The following IGSF9 variants were observed in gnomAD, a reference collection of about 807,000 sequenced individuals.
The protein encoded by IGSF9 is protein turtle homolog A.
Under a neutral mutation model 121.7 loss-of-function variants are expected in IGSF9, and 87 were observed. That is an observed-to-expected ratio of 0.71 (90% CI 0.60 to 0.85). The LOEUF is 0.85. IGSF9 is among the 40% of genes least tolerant of loss of function. The pLI, the probability that IGSF9 is intolerant of heterozygous loss-of-function variation, is 0.00. For missense variants in IGSF9, 1,462 were observed against 1,565.3 expected (o/e 0.93, Z 1.11); for synonymous variants, 640 against 648.4 (o/e 0.99, Z 0.20).
chr1:159,936,267 C>T, intron 6 of IGSF9, 132 bp downstream of exon 6: 2 of 754,444 alleles, frequency 2.7e-6, no homozygotes, highest in South Asian at 3.2e-5. Context: ...GCATTGGGAA[C>T]CCCCTTAGCT....
At chr1:159,942,824 T>C (rs925890217) in intron 3 of IGSF9, 139 bp downstream of exon 3, 2 of 666,668 alleles carry the variant, frequency 3.0e-6, no homozygotes, top group Non-Finnish European at 5.2e-6. Context: ...GCCATGCTTA[T>C]TAAGCAGAGT....
rs1404251901 is a variant in IGSF9, at chr1:159,928,344, G to A, written c.3044C>T (p.Ala1015Val). Residue 1015 changes from alanine (A) to valine (V), a missense_variant, in exon 19 of 21, where the codon GCT becomes GTT. By Grantham distance (64) the Ala-to-Val change is moderately conservative. Transcript: ENST00000368094. Reference sequence around the variant, plus strand: ...GCTGGTGAGGCTGCCTCGAGGGGCAGCAGGGAGAAGGCCTGGCAGCAGCCG... The same window carrying A: ...GCTGGTGAGGCTGCCTCGAGGGGCAACAGGGAGAAGGCCTGGCAGCAGCCG... ...RERLLPGLLP[A>V]APRGSLTSQS... 1.1e-5 allele frequency: 18 copies of A among 1,609,614 alleles called. No homozygotes were observed. Among genetic ancestry groups the A allele is most frequent in the Non-Finnish European group, 1.5e-5 (18 of 1,178,132 alleles).
At chr1:159,927,666 G>A in intron 20 of IGSF9, 94 bp downstream of exon 20, 1 of 1,549,554 alleles carries the variant, frequency 6.5e-7, no homozygotes. Flanking sequence ...AGCCTGGGAG[G>A]CAGGGCCTGA....
chr1:159,927,569 C>A, intron 20 of IGSF9, 43 bp from the exon 21 acceptor site: 1 of 1,591,118 alleles, frequency 6.3e-7, no homozygotes, highest in Non-Finnish European at 8.6e-7. Flanking sequence ...CCCTGAGGTT[C>A]ACTGAGTGAA....
At position 159,928,351 on chromosome 1, in the gene IGSF9, G is replaced by T; in HGVS notation, c.3037C>A (p.Leu1013Ile). 1 of 1,609,810 alleles carries T rather than the reference G, an allele frequency of 6.2e-7. No homozygotes were observed. The highest frequency in any genetic ancestry group is 8.5e-7 in the Non-Finnish European group (1 of 1,178,224). The change falls in exon 19 of 21, where the codon CTC (leucine) becomes ATC (isoleucine). Residue 1013 changes from leucine to isoleucine, a missense_variant. Coordinates refer to ENST00000368094, the MANE Select transcript of IGSF9 (RefSeq NM_001135050.2). The part of the protein sequence containing the change: ...TLRERLLPGL[L>I]PAAPRGSLTS... ...AGGCTGCCTCGAGGGGCAGCAGGGA[G>T]AAGGCCTGGCAGCAGCCGCTCCCTC... is the stretch of plus-strand genomic sequence containing the variant.
rs376768596 is a variant in IGSF9 at position 159,931,098 on chromosome 1, C to G, written c.1637+40G>C. On this transcript the variant is annotated intron_variant, in intron 13 of 20. Coordinates refer to ENST00000368094, the MANE Select transcript of IGSF9 (RefSeq NM_001135050.2). The surrounding 1 kb of genome is among the most constrained non-coding windows in gnomAD (Gnocchi z 4.8). ...GGTTCAAGGAGGAGAGGAAAGGAGG[C>G]AAGATTGGCACAGAGAAATGGCAGG... The G allele has an allele frequency of 6.2e-7, 1 of 1,613,482 alleles. No homozygotes were observed. Among genetic ancestry groups the G allele is most frequent in the African/African-American group, 1.3e-5 (1 of 74,912 alleles).
At chr1:159,934,907 T>C in intron 6 of IGSF9, 85 bp from the exon 7 acceptor site, 1 of 1,516,136 alleles carries the variant, frequency 6.6e-7, no homozygotes, top group Non-Finnish European at 9.0e-7. Flanking sequence ...TCTTCCCAGC[T>C]CTGCTCTCTG....
In IGSF9 at chr1:159,932,374, G is replaced by A. The variant is rs191579196; in HGVS notation, c.1245+138C>T. The A allele has an allele frequency of 0.014, 12,959 of 926,812 alleles. 386 individuals are homozygous for A. The highest frequency in any genetic ancestry group is 0.091 in the South Asian group (5,633 of 61,600). 57.4% of individuals were successfully genotyped at this position (926,812 alleles called of 1,614,324 possible). ...GGGATGGCATCAGGCAGCTGCTGCC[G>A]TGGCCACCATGGGAAACAAACTTGG... On this transcript the variant is annotated intron_variant, in intron 10 of 20. Transcript: ENST00000368094. This position sits in a 1 kb window ranked among gnomAD's most constrained non-coding sequence, Gnocchi z 4.1.
At chr1:159,937,188 G>A (rs1031921660) in intron 4 of IGSF9, among the ~76,000 whole-genome samples, 2 of 152,220 alleles carry the variant, frequency 1.3e-5, no homozygotes, top group South Asian at 4.1e-4. Flanking sequence ...TTCTGGGAGT[G>A]AGGAGGCCTG....
At chr1:159,933,434 A>G (rs1042646978) in intron 9 of IGSF9, 1 of 152,304 alleles carries the variant, frequency 6.6e-6, no homozygotes, top group Non-Finnish European at 1.5e-5. Flanking sequence ...GGCCTCAAAA[A>G]TTTATAGTCT....
Position 159,929,828 on chromosome 1 carries a change from C to G in IGSF9, c.2150-14G>C, listed in dbSNP as rs1397194263. ...AGACCTCCAGACCTAGGCAGGGGTC[C>G]ACGAGGGAGGGTCAGTGGACTCGGA... On this transcript the variant is annotated splice_polypyrimidine_tract_variant and intron_variant, in intron 16 of 20. Transcript: ENST00000368094. 6.3e-7 allele frequency: 1 copy of G among 1,599,658 alleles called. No individual in the cohort carries two copies.
chr1:159,928,694 G>A lies in IGSF9; in HGVS notation c.2694C>T (p.Leu898=). The change falls in exon 19 of 21, where the codon CTC becomes CTT. Residue 898 remains leucine, a synonymous_variant. Coordinates refer to ENST00000368094, the MANE Select transcript of IGSF9 (RefSeq NM_001135050.2). ...SSSPSGAPQP[L]CIEDISPVAP... ...CCACAGGGCTGATGTCTTCAATGCA[G>A]AGGGGCTGGGGTGCCCCACTGGGGC... 1 of 1,478,356 alleles carries A rather than the reference G, an allele frequency of 6.8e-7. No individual in the cohort carries two copies. The allele number at this position is 1,478,356 out of a possible 1,614,324, so 91.6% of individuals were successfully genotyped here. A position where few individuals can be genotyped will look rare whatever the true frequency, so the allele number is the denominator to read the frequency against.
intron 18 of IGSF9, 143 bp downstream of exon 18, chr1:159,929,208 T>C: frequency 3.8e-6 from 5 of 1,300,054 alleles, no homozygotes; most frequent in Non-Finnish European, 5.6e-6. Flanking sequence ...CTGGGGCCAC[T>C]GCACACCCCT....
chr1:159,928,131 G>A, intron 19 of IGSF9, 27 bp downstream of exon 19: 1 of 1,596,746 alleles, frequency 6.3e-7, no homozygotes, highest in Non-Finnish European at 8.5e-7. Flanking sequence ...TGAGGCGGAG[G>A]CAGGGATGGG....
intron 3 of IGSF9, among the ~76,000 whole-genome samples, chr1:159,942,379 C>T (rs908385021): frequency 1.3e-5 from 2 of 152,216 alleles, no homozygotes; most frequent in Non-Finnish European, 2.9e-5. Context: ...TCCCCAGCCA[C>T]CCTCTCTGTA....
intron 20 of IGSF9, 70 bp downstream of exon 20, chr1:159,927,690 G>A: frequency 6.4e-7 from 1 of 1,572,402 alleles, no homozygotes; most frequent in Non-Finnish European, 8.6e-7. Flanking sequence ...GGAATAGATG[G>A]GTCCTAAGGT....
At position 159,931,319 on chromosome 1, in the gene IGSF9, C is replaced by T. The variant is rs974395421; in HGVS notation, c.1514-58G>A. On this transcript the variant is annotated intron_variant, in intron 12 of 20. Transcript: ENST00000368094. The surrounding 1 kb of genome is among the most constrained non-coding windows in gnomAD (Gnocchi z 4.8). ...GGGCCTGAGGGAGTGTACAGAGTAG[C>T]AGGGGCCCCAGGGCCACTGACCTTC... The T allele has an allele frequency of 1.2e-6, 2 of 1,608,038 alleles. No homozygotes were observed. Among genetic ancestry groups the T allele is most frequent in the African/African-American group, 2.7e-5 (2 of 74,778 alleles).
chr1:159,943,495 G>A lies in IGSF9; in HGVS notation c.-41C>T, dbSNP rs1651478867. ...CTCACCCAGCCCCTCCTATCCACAG[G>A]AGCCCAGATGGAGGGGCCAAGGGAT... On this transcript the variant is annotated 5_prime_UTR_variant, in exon 2 of 21. Transcript: ENST00000368094. The A allele has an allele frequency of 1.3e-6, 2 of 1,503,210 alleles. No individual in the cohort carries two copies. Among genetic ancestry groups the A allele is most frequent in the Non-Finnish European group, 8.9e-7 (1 of 1,125,048 alleles). The allele number at this position is 1,503,210 out of a possible 1,614,324, so 93.1% of individuals were successfully genotyped here. A position where few individuals can be genotyped will look rare whatever the true frequency, so the allele number is the denominator to read the frequency against.
rs532766563 is a variant in IGSF9, at chr1:159,932,548, G to C, written c.1209C>G (p.Thr403=). The stretch of plus-strand genomic sequence containing the variant: ...CGCGGGTCACAGGAGAGGGCCCGGC[G>C]GTACCAAGACTGTTGTAGGGGGTGC... The part of the protein sequence containing the change: ...YSCTPYNSLG[T]AGPSPVTRVL... Residue 403 remains threonine, a synonymous_variant, in exon 10 of 21, where the codon ACC becomes ACG. Transcript: ENST00000368094. The surrounding 1 kb of genome is among the most constrained non-coding windows in gnomAD (Gnocchi z 4.1). The C allele has an allele frequency of 6.2e-7, 1 of 1,614,030 alleles. No homozygotes were observed. Among genetic ancestry groups the C allele is most frequent in the Non-Finnish European group, 8.5e-7 (1 of 1,179,980 alleles).
Sources: gnomAD v4.1 joint callset for allele counts (sites outside exome capture counted in the v4.1 genomes callset) on GRCh38, gnomAD v4.1.1 for gene constraint, Gnocchi (gnomAD v3.1) non-coding constraint, MANE v1.5 for transcripts, NCBI Gene and HGNC (gene_info 2026-07-23, HGNC 2026-07-21) for gene names.